The following RFNG variants were observed in gnomAD, a reference collection of about 807,000 sequenced individuals.
RFNG encodes the protein beta-1,3-N-acetylglucosaminyltransferase radical fringe.
A neutral mutation model predicts 29.6 loss-of-function variants in RFNG; 37 were observed. The ratio of observed to expected loss-of-function variants is 1.25; its 90% CI spans 0.96 to 1.65. The LOEUF (loss-of-function observed/expected upper bound fraction) is 1.65, where lower values mean the gene tolerates loss of function less well. Among genes scored for constraint, RFNG ranks in the 40% most tolerant of loss-of-function variants. The pLI is 0.00. For synonymous variants in RFNG, 276 were observed against 197.3 expected (o/e 1.40, Z -3.34); for missense variants, 546 against 457.0 (o/e 1.19, Z -1.78).
At position 82,051,768 on chromosome 17, in the gene RFNG, C is replaced by T. The variant is rs1179410827; in HGVS notation, c.-2G>A. The stretch of plus-strand genomic sequence containing the variant: ...CAGCGCCCCACGCGCGCGGCTCATG[C>T]GGCCGCCGGGACCCCCGGCGCTGCG... On this transcript the variant is annotated 5_prime_UTR_variant, in exon 1 of 8. Transcript: ENST00000310496. The surrounding 1 kb of genome is among the most constrained non-coding windows in gnomAD (Gnocchi z 4.1). 2.7e-6 allele frequency: 3 copies of T among 1,099,862 alleles called. No individual in the cohort carries two copies. Among genetic ancestry groups the T allele is most frequent in the Non-Finnish European group, 2.2e-6 (2 of 904,900 alleles). The allele number at this position is 1,099,862 out of a possible 1,614,324, so 68.1% of individuals were successfully genotyped here. A position where few individuals can be genotyped will look rare whatever the true frequency, so the allele number is the denominator to read the frequency against.
intron 2 of RFNG, 145 bp from the exon 3 acceptor site, chr17:82,050,909 T>G: frequency 7.1e-7 from 1 of 1,405,828 alleles, no homozygotes; most frequent in Non-Finnish European, 9.4e-7. Context: ...ACCACAGCCC[T>G]AGCCCTCACG....
rs1397780730 is a variant in RFNG at position 82,051,518 on chromosome 17, G to A, written c.249C>T (p.Ile83=). ...GGCGCACCTGCTGGCGGGCCCGGGA[G>A]ATCCAGGTGCGCAGCAGCAGCCGCA... ...PRLRLLLRTW[I]SRARQQTFIF... Residue 83 remains isoleucine, a synonymous_variant, in exon 1 of 8, where the codon ATC becomes ATT. Transcript: ENST00000310496. This position sits in a 1 kb window ranked among gnomAD's most constrained non-coding sequence, Gnocchi z 4.1. 15 of 1,395,062 alleles carry A rather than the reference G, an allele frequency of 1.1e-5. No individual in the cohort carries two copies. The highest frequency in any genetic ancestry group is 1.4e-5 in the Non-Finnish European group (15 of 1,070,650). The allele number at this position is 1,395,062 out of a possible 1,614,324, so 86.4% of individuals were successfully genotyped here.
Position 82,048,780 on chromosome 17 carries a change from G to A in RFNG, c.942C>T (p.Tyr314=), listed in dbSNP as rs747108536. 5 of 1,613,386 alleles carry A rather than the reference G, an allele frequency of 3.1e-6. No individual in the cohort carries two copies. Among genetic ancestry groups the A allele is most frequent in the Non-Finnish European group, 4.2e-6 (5 of 1,179,792 alleles). Residue 314 remains tyrosine, a synonymous_variant, in exon 8 of 8, where the codon TAC becomes TAT. Transcript: ENST00000310496. ...TRFKSIHCLL[Y]PDTDWCPRQK... ...GCCTGGGACACCAGTCCGTGTCTGG[G>A]TACAGAAGACAATGGATAGACTTAA...
At position 82,050,352 on chromosome 17, in the gene RFNG, C is replaced by A. The variant is rs372334388; in HGVS notation, c.573+50G>T. 250 of 1,521,054 alleles carry A rather than the reference C, an allele frequency of 1.6e-4. No individual in the cohort carries two copies. In the African/African-American group the frequency reaches 3.1e-3, roughly 19 times the overall value. The allele number at this position is 1,521,054 out of a possible 1,614,324, so 94.2% of individuals were successfully genotyped here. A position where few individuals can be genotyped will look rare whatever the true frequency, so the allele number is the denominator to read the frequency against. On this transcript the variant is annotated intron_variant, in intron 4 of 7. Coordinates refer to ENST00000310496, the MANE Select transcript of RFNG (RefSeq NM_002917.2). ...CACGCCCTCTGCTGTGCCTCCCGGG[C>A]TGGTGTCAAGGAAGGCGTCTGCTCC...
In RFNG at chr17:82,051,253, G is replaced by C; in HGVS notation, c.316+41C>G. ...TGGCTTCGGAGCGAGAAAGGCTCGGGGGGCAGATCCCGCGGGCGCCGGGGA... is the reference window on the plus strand; with the variant it reads ...TGGCTTCGGAGCGAGAAAGGCTCGGCGGGCAGATCCCGCGGGCGCCGGGGA... On this transcript the variant is annotated intron_variant, in intron 2 of 7. Transcript: ENST00000310496. The surrounding 1 kb of genome is among the most constrained non-coding windows in gnomAD (Gnocchi z 4.1). 7.4e-7 allele frequency: 1 copy of C among 1,342,318 alleles called. No individual in the cohort carries two copies. 83.2% of individuals were successfully genotyped at this position (1,342,318 alleles called of 1,614,324 possible). A position where few individuals can be genotyped will look rare whatever the true frequency, so the allele number is the denominator to read the frequency against.
rs1478184245 is a variant in RFNG, at chr17:82,050,384, G to A, written c.573+18C>T. The A allele has an allele frequency of 6.4e-6, 10 of 1,553,306 alleles. No individual in the cohort carries two copies. The highest frequency in any genetic ancestry group is 6.9e-6 in the Non-Finnish European group (8 of 1,156,200). ...CAAGGAAGGCGTCTGCTCCGATGGC[G>A]TCTGCTCCGACACTCACAGTTCTGC... is the stretch of plus-strand genomic sequence containing the variant. On this transcript the variant is annotated intron_variant, in intron 4 of 7. Coordinates refer to ENST00000310496, the MANE Select transcript of RFNG (RefSeq NM_002917.2).
In RFNG at chr17:82,050,716, G is replaced by A. The variant is rs1190575655; in HGVS notation, c.365C>T (p.Ala122Val). 3.1e-6 allele frequency: 5 copies of A among 1,613,076 alleles called. No homozygotes were observed. Among genetic ancestry groups the A allele is most frequent in the Non-Finnish European group, 3.4e-6 (4 of 1,179,962 alleles). Reference sequence around the variant, plus strand: ...CTCCACGGACATCTTGCAGCAGAGGGCCTGACGAGTGCGCACCGCCGAGCA... The same window carrying A: ...CTCCACGGACATCTTGCAGCAGAGGACCTGACGAGTGCGCACCGCCGAGCA... ...TNCSAVRTRQ[A>V]LCCKMSVEYD... is the part of the protein sequence containing the mutation. Residue 122 changes from alanine (A) to valine (V), a missense_variant, in exon 3 of 8, where the codon GCC (alanine) becomes GTC (valine). Coordinates refer to ENST00000310496, the MANE Select transcript of RFNG (RefSeq NM_002917.2).
rs776031913 is a variant in RFNG at position 82,049,758 on chromosome 17, G to C, written c.747C>G (p.Gly249=). The C allele has an allele frequency of 6.6e-7, 1 of 1,522,312 alleles. No individual in the cohort carries two copies. Among genetic ancestry groups the C allele is most frequent in the Non-Finnish European group, 8.8e-7 (1 of 1,138,370 alleles). 94.3% of individuals were successfully genotyped at this position (1,522,312 alleles called of 1,614,324 possible). ...AGAGGGGGCTGTGCAGCAGGCGGGCGCCCAGGAGCCCCTCCACGATGTAGC... is the reference window on the plus strand; with the variant it reads ...AGAGGGGGCTGTGCAGCAGGCGGGCCCCCAGGAGCCCCTCCACGATGTAGC... ...TVGYIVEGLL[G]ARLLHSPLFH... Residue 249 remains glycine (G), a synonymous_variant, in exon 6 of 8, where the codon GGC becomes GGG. Coordinates refer to ENST00000310496, the MANE Select transcript of RFNG (RefSeq NM_002917.2).
At position 82,051,014 on chromosome 17, in the gene RFNG, G is replaced by C. The variant is rs1367926803; in HGVS notation, c.317-250C>G. ...GGACGGAGGCAGCTCGCCCTGACCTGGCCTGGAAGGGCGGATTCCCTGCTG... is the reference window on the plus strand; with the variant it reads ...GGACGGAGGCAGCTCGCCCTGACCTCGCCTGGAAGGGCGGATTCCCTGCTG... On this transcript the variant is annotated intron_variant, in intron 2 of 7. Transcript: ENST00000310496. This position sits in a 1 kb window ranked among gnomAD's most constrained non-coding sequence, Gnocchi z 4.1. 18 of 1,403,364 alleles carry C rather than the reference G, an allele frequency of 1.3e-5. No homozygotes were observed. The highest frequency in any genetic ancestry group is 1.7e-5 in the Non-Finnish European group (18 of 1,083,660). The allele number at this position is 1,403,364 out of a possible 1,614,324, so 86.9% of individuals were successfully genotyped here.
intron 7 of RFNG, 81 bp downstream of exon 7, chr17:82,048,950 G>A: frequency 2.0e-6 from 3 of 1,500,444 alleles, no homozygotes; most frequent in Non-Finnish European, 2.8e-6. Context: ...GGGAGCAGCG[G>A]GGGTCAGGGC....
At position 82,049,861 on chromosome 17, in the gene RFNG, G is replaced by C; in HGVS notation, c.663-19C>G. On this transcript the variant is annotated intron_variant, in intron 5 of 7. Transcript: ENST00000310496. Reference sequence around the variant, plus strand: ...GCCCAGGCTGGGGGGAGGCCGGTCAGCACCTTTCAGGTCTCAGCCTCCGCC... The same window carrying C: ...GCCCAGGCTGGGGGGAGGCCGGTCACCACCTTTCAGGTCTCAGCCTCCGCC... The C allele has an allele frequency of 1.2e-6, 2 of 1,610,646 alleles. No homozygotes were observed. Among genetic ancestry groups the C allele is most frequent in the Non-Finnish European group, 1.7e-6 (2 of 1,178,790 alleles).
chr17:82,050,826 G>GGGGT, intron 2 of RFNG, 62 bp from the exon 3 acceptor site: 1 of 1,546,272 alleles, frequency 6.5e-7, no homozygotes, highest in South Asian at 1.1e-5. Context: ...GGTAAGGCCT[G>GGGGT]TGCCCCACCT....
At position 82,050,526 on chromosome 17, in the gene RFNG, T is replaced by A. The variant is rs2030342079; in HGVS notation, c.449A>T (p.Tyr150Phe). 11 of 1,612,610 alleles carry A rather than the reference T, an allele frequency of 6.8e-6. No individual in the cohort carries two copies. The highest frequency in any genetic ancestry group is 9.3e-6 in the Non-Finnish European group (11 of 1,179,606). The stretch of plus-strand genomic sequence containing the variant: ...GTGCAGGAGGCTCCTGGCGTTCACA[T>A]AATTGTCATCATCCACGTGGCAAAA... ...KWFCHVDDDN[Y>F]VNARSLLHLL... Residue 150 changes from tyrosine to phenylalanine, a missense_variant, in exon 4 of 8, where the codon TAT (tyrosine) becomes TTT (phenylalanine). Tyr to Phe is a conservative substitution (Grantham distance 22). Coordinates refer to ENST00000310496, the MANE Select transcript of RFNG (RefSeq NM_002917.2).
At position 82,050,565 on chromosome 17, in the gene RFNG, AG is replaced by A; in HGVS notation, c.420-11del. 1 of 1,609,782 alleles carries A rather than the reference AG, an allele frequency of 6.2e-7. No individual in the cohort carries two copies. Among genetic ancestry groups the A allele is most frequent in the Non-Finnish European group, 8.5e-7 (1 of 1,177,664 alleles). On this transcript the variant is annotated splice_polypyrimidine_tract_variant and intron_variant, in intron 3 of 7. Transcript: ENST00000310496. ...CACGTGGCAAAACCACCTGTGGGCGAGGGGAGTCCTGGGCACGAGGGCCTGG... is the reference window on the plus strand; with the variant it reads ...CACGTGGCAAAACCACCTGTGGGCGAGGGAGTCCTGGGCACGAGGGCCTGG...
chr17:82,049,507 G>A (rs1417912251), intron 6 of RFNG, 170 bp downstream of exon 6: 1 of 791,268 alleles, frequency 1.3e-6, no homozygotes, highest in South Asian at 1.5e-5. Context: ...ATCTGTACGT[G>A]AGGACCCTGT....
rs995631609 is a variant in RFNG, at chr17:82,051,608, G to T, written c.159C>A (p.Pro53=). 11 of 1,252,186 alleles carry T rather than the reference G, an allele frequency of 8.8e-6. No homozygotes were observed. The African/African-American group carries it at 1.6e-4, about 18-fold the overall frequency. The allele number at this position is 1,252,186 out of a possible 1,614,324, so 77.6% of individuals were successfully genotyped here. ...PRAPPSRPAA[P]SLRPDDVFIA... ...TGAAGACGTCGTCAGGCCGCAGGCT[G>T]GGGGCAGCGGGCCGGGACGGGGGCG... Residue 53 remains proline, a synonymous_variant, in exon 1 of 8, where the codon CCC becomes CCA. Coordinates refer to ENST00000310496, the MANE Select transcript of RFNG (RefSeq NM_002917.2). The surrounding 1 kb of genome is among the most constrained non-coding windows in gnomAD (Gnocchi z 4.1).
chr17:82,050,479 T>G lies in RFNG; in HGVS notation c.496A>C (p.Ser166Arg), dbSNP rs751283445. Residue 166 changes from serine (S) to arginine (R), a missense_variant, in exon 4 of 8, where the codon AGC (serine) becomes CGC (arginine). Ser to Arg is a moderately radical substitution (Grantham distance 110). Coordinates refer to ENST00000310496, the MANE Select transcript of RFNG (RefSeq NM_002917.2). ...LLHLLSSFSPSQDVYLGRPSL... is the reference protein window; with the variant it reads ...LLHLLSSFSPRQDVYLGRPSL... ...GGCCGCCCCAGGTAGACGTCCTGGC[T>G]GGGTGAGAAGCTGGAGAGCAGGTGC... 1 of 1,612,962 alleles carries G rather than the reference T, an allele frequency of 6.2e-7. No individual in the cohort carries two copies.
In RFNG at chr17:82,051,548, C is replaced by G. The variant is rs1264058826; in HGVS notation, c.219G>C (p.Pro73=). 7.2e-7 allele frequency: 1 copy of G among 1,396,952 alleles called. No individual in the cohort carries two copies. The highest frequency in any genetic ancestry group is 3.0e-5 in the Admixed American group (1 of 33,020). The allele number at this position is 1,396,952 out of a possible 1,614,324, so 86.5% of individuals were successfully genotyped here. ...AVKTTRKNHG[P]RLRLLLRTWI... ...AGGTGCGCAGCAGCAGCCGCAGGCG[C>G]GGCCCGTGGTTCTTCCGGGTGGTCT... is the stretch of plus-strand genomic sequence containing the variant. The change falls in exon 1 of 8, where the codon CCG becomes CCC. Residue 73 remains proline, a synonymous_variant. Coordinates refer to ENST00000310496, the MANE Select transcript of RFNG (RefSeq NM_002917.2). This position sits in a 1 kb window ranked among gnomAD's most constrained non-coding sequence, Gnocchi z 4.1.
rs752558246 is a variant in RFNG at position 82,049,855 on chromosome 17, C to A, written c.663-13G>T. ...GAAGCTGCCCAGGCTGGGGGGAGGC[C>A]GGTCAGCACCTTTCAGGTCTCAGCC... On this transcript the variant is annotated splice_polypyrimidine_tract_variant and intron_variant, in intron 5 of 7. Coordinates refer to ENST00000310496, the MANE Select transcript of RFNG (RefSeq NM_002917.2). The A allele has an allele frequency of 2.5e-6, 4 of 1,605,406 alleles. No individual in the cohort carries two copies. The highest frequency in any genetic ancestry group is 3.4e-6 in the Non-Finnish European group (4 of 1,176,208).
Sources: gnomAD v4.1 joint callset for allele counts on GRCh38, gnomAD v4.1.1 for gene constraint, Gnocchi (gnomAD v3.1) non-coding constraint, MANE v1.5 for transcripts, NCBI Gene and HGNC (gene_info 2026-07-23, HGNC 2026-07-21) for gene names.